The following MSRA variants were observed in gnomAD, a reference collection of about 807,000 sequenced individuals.
MSRA encodes the protein mitochondrial peptide methionine sulfoxide reductase.
A neutral mutation model predicts 31.3 loss-of-function variants in MSRA; 54 were observed. The observed-to-expected ratio is 1.73, with a 90% CI of 1.39 to 2.17. The LOEUF is 2.17. Among genes scored for constraint, MSRA ranks in the 30% most tolerant of loss-of-function variants. MSRA has a pLI of 0.00. For synonymous variants in MSRA, 169 were observed against 116.5 expected (o/e 1.45, Z -2.90); for missense variants, 507 against 300.9 (o/e 1.69, Z -5.07).
intron 5 of MSRA, among the ~76,000 whole-genome samples, chr8:10,363,604 C>T (rs1414501662): frequency 6.6e-6 from 1 of 152,246 alleles, no homozygotes; most frequent in East Asian, 1.9e-4. Flanking sequence ...GCGTAACCTT[C>T]AGGGCCCCCA....
At chr8:10,108,746 C>G (rs1011284910) in intron 1 of MSRA, among the ~76,000 whole-genome samples, 16 of 152,208 alleles carry the variant, frequency 1.1e-4, no homozygotes, top group African/African-American at 3.6e-4. Context: ...ATCAGAAATG[C>G]CTGGCACGTT....
At chr8:10,425,712 G>C (rs377637730) in intron 5 of MSRA, among the ~76,000 whole-genome samples, 1 of 152,362 alleles carries the variant, frequency 6.6e-6, no homozygotes, top group East Asian at 1.9e-4. Flanking sequence ...GGTGTCAGCC[G>C]CGGAGTGGGT....
intron 1 of MSRA, among the ~76,000 whole-genome samples, chr8:10,182,267 A>C (rs1806612440): frequency 1.3e-5 from 2 of 152,236 alleles, no homozygotes; most frequent in Admixed American, 6.5e-5. Context: ...TGAGAGATGA[A>C]GGTGCAGGCT....
At chr8:10,255,651 C>T (rs1166506034) in intron 3 of MSRA, among the ~76,000 whole-genome samples, 1 of 151,778 alleles carries the variant, frequency 6.6e-6, no homozygotes, top group African/African-American at 2.4e-5. Context: ...TTGTTTAAGG[C>T]GTGTTCGGTT....
intron 1 of MSRA, among the ~76,000 whole-genome samples, chr8:10,180,411 T>C (rs1170475740): frequency 6.6e-6 from 1 of 152,238 alleles, no homozygotes; most frequent in South Asian, 2.1e-4. Context: ...ACCCATTGTT[T>C]AGGGTTTTTA....
intron 5 of MSRA, among the ~76,000 whole-genome samples, chr8:10,424,923 C>T (rs1809046872): frequency 6.6e-6 from 1 of 152,212 alleles, no homozygotes. Context: ...AGCGAAGGAG[C>T]AGGGGGGCTG....
At position 10,428,325 on chromosome 8, in the gene MSRA, T is replaced by C. The variant is rs550698202; in HGVS notation, c.*13T>C. 3 of 1,611,194 alleles carry C rather than the reference T, an allele frequency of 1.9e-6. No individual in the cohort carries two copies. The highest frequency in any genetic ancestry group is 1.7e-5 in the Admixed American group (1 of 58,988). On this transcript the variant is annotated 3_prime_UTR_variant, in exon 6 of 6. Coordinates refer to ENST00000317173, the MANE Select transcript of MSRA (RefSeq NM_012331.5). ...TATTAAAAAATAATTTCTCCCCACA[T>C]GGTGGGCCTTTGAGGTTCCAGTAAA...
chr8:10,078,032 G>A (rs960809323), intron 1 of MSRA, among the ~76,000 whole-genome samples: 9 of 152,174 alleles, frequency 5.9e-5, no homozygotes, highest in Non-Finnish European at 8.8e-5. Context: ...CAATTTCTGT[G>A]AAGAGCAGTA....
Position 10,109,318 on chromosome 8 carries a change from C to CT in MSRA, c.142+54667dup, listed in dbSNP as rs938480869. ...AGATGCTAAAGAGCACAAATGCTTT[C>CT]TTTTTTTACTTTTCTTTTCTTTTCT... On this transcript the variant is annotated intron_variant, in intron 1 of 5. Coordinates refer to ENST00000317173, the MANE Select transcript of MSRA (RefSeq NM_012331.5). Among the ~76,000 whole-genome samples, 7 of 151,374 alleles carry CT rather than the reference C, an allele frequency of 4.6e-5. No homozygotes were observed. The East Asian group carries it at 7.8e-4, about 17-fold the overall frequency.
At chr8:10,351,841 CT>C (rs1421512577) in intron 5 of MSRA, among the ~76,000 whole-genome samples, 1 of 152,170 alleles carries the variant, frequency 6.6e-6, no homozygotes, top group African/African-American at 2.4e-5. Flanking sequence ...ACCCAGACTG[CT>C]TTTCCTAATA....
chr8:10,159,901 C>G (rs1020090777), intron 1 of MSRA, among the ~76,000 whole-genome samples: 28 of 152,234 alleles, frequency 1.8e-4, no homozygotes, highest in African/African-American at 6.3e-4. Context: ...ATTATTAATT[C>G]TTACTGGAAT....
intron 1 of MSRA, among the ~76,000 whole-genome samples, chr8:10,145,483 C>G (rs1803067222): frequency 6.6e-6 from 1 of 152,176 alleles, no homozygotes; most frequent in Non-Finnish European, 1.5e-5. Flanking sequence ...AGGTTGCTTG[C>G]CGCCTGCATA....
chr8:10,146,884 A>G (rs916646516), intron 1 of MSRA, among the ~76,000 whole-genome samples: 1 of 152,114 alleles, frequency 6.6e-6, no homozygotes, highest in Non-Finnish European at 1.5e-5. Flanking sequence ...TGCAAAACCT[A>G]TTTGCAAAAG....
At chr8:10,073,161 A>G (rs1797827211) in intron 1 of MSRA, among the ~76,000 whole-genome samples, 1 of 152,180 alleles carries the variant, frequency 6.6e-6, no homozygotes, top group Non-Finnish European at 1.5e-5. Context: ...AAAAAAAAGT[A>G]TTGAGAGCAG....
At chr8:10,237,763 G>C (rs924519587) in intron 2 of MSRA, among the ~76,000 whole-genome samples, 2 of 152,154 alleles carry the variant, frequency 1.3e-5, no homozygotes, top group African/African-American at 4.8e-5. Context: ...TGTCAAATCT[G>C]TCAGGAAATC....
chr8:10,116,215 T>A (rs759769838), intron 1 of MSRA, among the ~76,000 whole-genome samples: 1 of 152,226 alleles, frequency 6.6e-6, no homozygotes, highest in Non-Finnish European at 1.5e-5. Flanking sequence ...TGCCGTTGAG[T>A]GCATCCTAAC....
chr8:10,415,804 G>C (rs1808423954), intron 5 of MSRA, among the ~76,000 whole-genome samples: 1 of 151,662 alleles, frequency 6.6e-6, no homozygotes, highest in African/African-American at 2.4e-5. Context: ...TCTGCTTGGA[G>C]CATGCCCTTC....
chr8:10,393,062 A>AG (rs10682021), intron 5 of MSRA, among the ~76,000 whole-genome samples: 2 of 13,366 alleles, frequency 1.5e-4, no homozygotes, highest in Non-Finnish European at 1.0e-3. Flanking sequence ...ACTCCGTCTC[A>AG]AAAAAAAAAA....
intron 5 of MSRA, among the ~76,000 whole-genome samples, chr8:10,416,393 G>T (rs763668326): frequency 2.0e-5 from 3 of 152,188 alleles, no homozygotes; most frequent in Non-Finnish European, 4.4e-5. Flanking sequence ...GAAAGCCCAG[G>T]AAAACCAACG....
Sources: allele counts gnomAD v4.1 joint callset (sites outside exome capture counted in the v4.1 genomes callset), GRCh38; gene constraint gnomAD v4.1.1; transcripts MANE v1.5; gene names NCBI Gene and HGNC (gene_info 2026-07-23, HGNC 2026-07-21).